The following SOD2 variants were observed in gnomAD, a reference collection of about 807,000 sequenced individuals.
The protein encoded by SOD2 is superoxide dismutase [Mn], mitochondrial.
A neutral mutation model predicts 27.0 loss-of-function variants in SOD2; 11 were observed. The ratio of observed to expected loss-of-function variants is 0.41; its 90% CI spans 0.26 to 0.67. SOD2 has a LOEUF of 0.67. SOD2 is among the 30% of genes least tolerant of loss of function. SOD2 has a pLI of 0.34. For missense variants in SOD2, 250 were observed against 274.5 expected (o/e 0.91, Z 0.63); for synonymous variants, 105 against 103.0 (o/e 1.02, Z -0.12).
chr6:159,727,298 G>A (rs1450452855), exon 1 of SOD2: 2 of 1,279,902 alleles, frequency 1.6e-6, no homozygotes, highest in Admixed American at 2.4e-5. Flanking sequence ...GGCGGCGGGC[G>A]AGTGACTGCG....
chr6:159,705,163 G>A (rs1364653425), intron 1 of SOD2, among the ~76,000 whole-genome samples: 1 of 152,172 alleles, frequency 6.6e-6, no homozygotes, highest in Non-Finnish European at 1.5e-5. Context: ...AAACCACAAA[G>A]ATGGGGAAAA....
At chr6:159,704,000 G>T (rs192547371) in intron 1 of SOD2, among the ~76,000 whole-genome samples, 1 of 152,206 alleles carries the variant, frequency 6.6e-6, no homozygotes, top group Admixed American at 6.5e-5. Context: ...CTTTAAAAAG[G>T]AAAGGCTGGG....
chr6:159,738,939 C>A (rs1357642642), intron 1 of SOD2: 2 of 1,404,738 alleles, frequency 1.4e-6, no homozygotes, highest in Non-Finnish European at 2.0e-6. Flanking sequence ...CATTATAGAA[C>A]TTTGTGTCTT....
At chr6:159,697,533 C>T (rs1044429746), upstream of SOD2, among the ~76,000 whole-genome samples, 3 of 152,118 alleles carry the variant, frequency 2.0e-5, no homozygotes, top group Non-Finnish European at 4.4e-5. Flanking sequence ...TCAAAGAACA[C>T]ATTAACTACT....
chr6:159,727,479 C>T, upstream of SOD2: 5 of 931,076 alleles, frequency 5.4e-6, no homozygotes, highest in Non-Finnish European at 6.3e-6. Context: ...TGCGGCGGGG[C>T]GGGGCCGGGC....
intron 1 of SOD2, among the ~76,000 whole-genome samples, chr6:159,699,656 A>G (rs918451287): frequency 1.3e-5 from 2 of 152,128 alleles, no homozygotes; most frequent in African/African-American, 4.8e-5. Flanking sequence ...AGGATTTGTC[A>G]TGGAGTAAGA....
At chr6:159,700,652 CAAAA>C (rs11294344) in intron 1 of SOD2, among the ~76,000 whole-genome samples, 1 of 122,178 alleles carries the variant, frequency 8.2e-6, no homozygotes. Flanking sequence ...GACTCTGTCT[CAAAA>C]AAAAAAAAAA....
Position 159,671,986 on chromosome 6 carries a change from T to G in SOD2, c.*10507A>C, listed in dbSNP as rs530650747. The G allele has an allele frequency of 1.2e-4, 18 of 152,250 alleles. No homozygotes were observed. The highest frequency in any genetic ancestry group is 1.9e-4 in the East Asian group (1 of 5,182). 9.4% of individuals were successfully genotyped at this position (152,250 alleles called of 1,614,324 possible). On this transcript the variant is annotated 3_prime_UTR_variant, in exon 5 of 5. Transcript: ENST00000538183. ...CCAATTCGATCAACTGGAAGAAAGG[T>G]TATCAGTGATTGAAGATCAGATGAA...
intron 2 of SOD2, among the ~76,000 whole-genome samples, chr6:159,689,829 G>A (rs552924235): frequency 1.3e-5 from 2 of 152,040 alleles, no homozygotes; most frequent in African/African-American, 2.4e-5. Context: ...GTATGGTGGC[G>A]CGTGCCTATA....
intron 1 of SOD2, among the ~76,000 whole-genome samples, chr6:159,709,657 A>G (rs1777692559): frequency 6.6e-6 from 1 of 152,196 alleles, no homozygotes; most frequent in South Asian, 2.1e-4. Flanking sequence ...GAACACTTTT[A>G]CACTGTTGGT....
intron 1 of SOD2, among the ~76,000 whole-genome samples, chr6:159,757,206 T>C (rs1253132112): frequency 6.6e-6 from 1 of 152,224 alleles, no homozygotes; most frequent in East Asian, 1.9e-4. Context: ...AAATTCCATT[T>C]CTGTTAAAAG....
intron 4 of SOD2, 64 bp downstream of exon 4, chr6:159,684,790 T>C (rs968046295): frequency 1.1e-5 from 14 of 1,297,530 alleles, no homozygotes; most frequent in Non-Finnish European, 1.5e-5. Flanking sequence ...TTTTCCTTAT[T>C]TCTAGTTGAA....
intron 1 of SOD2, among the ~76,000 whole-genome samples, chr6:159,740,626 T>C (rs559080394): frequency 6.6e-6 from 1 of 152,250 alleles, no homozygotes; most frequent in East Asian, 1.9e-4. Context: ...AAATAAAGCA[T>C]GGCCTTGGCT....
At chr6:159,711,717 A>T (rs879064494) in intron 1 of SOD2, among the ~76,000 whole-genome samples, 18 of 102,304 alleles carry the variant, frequency 1.8e-4, no homozygotes, top group Non-Finnish European at 2.3e-4. Context: ...TGCTCTGATC[A>T]CCATAACCAC....
chr6:159,738,825 T>C (rs911979745), intron 1 of SOD2, among the ~76,000 whole-genome samples: 3 of 150,676 alleles, frequency 2.0e-5, no homozygotes, highest in African/African-American at 7.4e-5. Context: ...ACCAAATAGT[T>C]TACCTTAAAA....
upstream of SOD2, chr6:159,727,824 G>A: frequency 1.4e-6 from 1 of 700,480 alleles, no homozygotes; most frequent in Non-Finnish European, 1.8e-6. Flanking sequence ...CGGGCCTGGT[G>A]CGGCACCGGT....
upstream of SOD2, chr6:159,693,337 C>G (rs1324273379): frequency 7.0e-6 from 2 of 285,498 alleles, no homozygotes; most frequent in East Asian, 7.7e-5. Context: ...CGCCCCCCCC[C>G]CCCGCGGGCC....
chr6:159,743,927 A>G (rs1562461485), intron 1 of SOD2: 12 of 1,008,706 alleles, frequency 1.2e-5, no homozygotes, highest in Non-Finnish European at 1.4e-5. Flanking sequence ...TTTGAGCTTT[A>G]AGAATACTAG....
chr6:159,702,654 CAAAAAAAA>C (rs750073120), intron 1 of SOD2, among the ~76,000 whole-genome samples: 1,165 of 39,840 alleles, frequency 0.029, 23 homozygotes, highest in African/African-American at 0.086. Context: ...TCTATCTCTC[CAAAAAAAA>C]AAAAAAAAAA....
Sources: allele counts gnomAD v4.1 joint callset (sites outside exome capture counted in the v4.1 genomes callset), GRCh38; gene constraint gnomAD v4.1.1; transcripts MANE v1.5; gene names NCBI Gene and HGNC (gene_info 2026-07-23, HGNC 2026-07-21).